The following INSR variants were observed in gnomAD, a reference collection of about 807,000 sequenced individuals.
INSR encodes the protein IR.
INSR carries 67 observed loss-of-function variants against 142.6 expected under a neutral mutation model. The ratio of observed to expected loss-of-function variants is 0.47; its 90% confidence interval spans 0.39 to 0.58. The LOEUF (loss-of-function observed/expected upper bound fraction) is 0.58, where lower values mean the gene tolerates loss of function less well. INSR is among the 20% of genes least tolerant of loss of function. The pLI is 0.00. For synonymous variants in INSR, 756 were observed against 743.1 expected (o/e 1.02, Z -0.28); for missense variants, 1,248 against 1,833.2 (o/e 0.68, Z 5.83).
chr19:7,182,160 G>C (rs4325676), intron 3 of INSR, among the ~76,000 whole-genome samples: 73,477 of 151,116 alleles, frequency 0.49, 19,748 homozygotes, highest in African/African-American at 0.73. Flanking sequence ...GATGAAACCC[G>C]GTCTCTACTA....
chr19:7,177,829 G>A (rs1974173605), intron 3 of INSR, among the ~76,000 whole-genome samples: 1 of 150,440 alleles, frequency 6.6e-6, no homozygotes, highest in African/African-American at 2.4e-5. Flanking sequence ...TTACAGGTGT[G>A]AGCAACCGTG....
intron 2 of INSR, among the ~76,000 whole-genome samples, chr19:7,195,823 A>G (rs970654366): frequency 5.3e-5 from 8 of 152,014 alleles, no homozygotes; most frequent in Non-Finnish European, 1.2e-4. Context: ...GACAACAGAT[A>G]AGATTATAGA....
intron 6 of INSR, among the ~76,000 whole-genome samples, chr19:7,169,946 A>G (rs1973976162): frequency 1.3e-5 from 2 of 152,184 alleles, no homozygotes; most frequent in South Asian, 4.1e-4. Context: ...CCTGGGGGTG[A>G]CTGTGATGGA....
chr19:7,229,924 C>A (rs1975916875), intron 2 of INSR, among the ~76,000 whole-genome samples: 1 of 151,992 alleles, frequency 6.6e-6, no homozygotes, highest in Non-Finnish European at 1.5e-5. Flanking sequence ...TGCCACCATG[C>A]TCAGCTAATT....
At chr19:7,260,586 G>A (rs946883196) in intron 2 of INSR, among the ~76,000 whole-genome samples, 7 of 152,148 alleles carry the variant, frequency 4.6e-5, no homozygotes, top group African/African-American at 1.7e-4. Flanking sequence ...CAAAACCAAA[G>A]TCAGAAATGA....
chr19:7,116,972 A>T lies in INSR; in HGVS notation c.*84T>A. 127 of 976,246 alleles carry T rather than the reference A, an allele frequency of 1.3e-4. No homozygotes were observed. The highest frequency in any genetic ancestry group is 1.9e-4 in the East Asian group (8 of 41,250). The allele number at this position is 976,246 out of a possible 1,614,324, so 60.5% of individuals were successfully genotyped here. ...CTCCATTGGACATGGTAGAGTCGTGAGAATCCTGAGTTTTCCAGAGGCTTT... is the reference window on the plus strand; with the variant it reads ...CTCCATTGGACATGGTAGAGTCGTGTGAATCCTGAGTTTTCCAGAGGCTTT... On this transcript the variant is annotated 3_prime_UTR_variant, in exon 22 of 22. Coordinates refer to ENST00000302850, the MANE Select transcript of INSR (RefSeq NM_000208.4).
chr19:7,281,345 C>T (rs1435509055), intron 1 of INSR, among the ~76,000 whole-genome samples: 1 of 152,030 alleles, frequency 6.6e-6, no homozygotes, highest in African/African-American at 2.4e-5. Flanking sequence ...CAAACACACA[C>T]ACACACACAC....
At chr19:7,283,589 G>A (rs1188417285) in intron 1 of INSR, among the ~76,000 whole-genome samples, 1 of 152,150 alleles carries the variant, frequency 6.6e-6, no homozygotes, top group African/African-American at 2.4e-5. Flanking sequence ...ACAGGCATGA[G>A]CCACCGTGCT....
intron 2 of INSR, among the ~76,000 whole-genome samples, chr19:7,253,095 C>A (rs1976780372): frequency 1.4e-5 from 2 of 139,654 alleles, no homozygotes; most frequent in Admixed American, 1.5e-4. Flanking sequence ...AGCCTGGTGA[C>A]AGAGTGAGAC....
chr19:7,174,662 G>A lies in INSR; in HGVS notation c.1044C>T (p.Ile348=), dbSNP rs866621682. ...VCHLLEGEKT[I]DSVTSAQELR... Reference sequence around the variant, plus strand: ...GCTCCTGGGCAGACGTCACCGAGTCGATGGTCTTCTCGCCTTCTAGGAGGT... The same window carrying A: ...GCTCCTGGGCAGACGTCACCGAGTCAATGGTCTTCTCGCCTTCTAGGAGGT... Residue 348 remains isoleucine, a synonymous_variant, in exon 4 of 22, where the codon ATC becomes ATT. Transcript: ENST00000302850. 13 of 1,613,778 alleles carry A rather than the reference G, an allele frequency of 8.1e-6. No homozygotes were observed. The highest frequency in any genetic ancestry group is 1.7e-5 in the Admixed American group (1 of 59,964).
intron 2 of INSR, among the ~76,000 whole-genome samples, chr19:7,198,528 C>T (rs1048354000): frequency 2.6e-5 from 4 of 152,152 alleles, no homozygotes; most frequent in African/African-American, 9.6e-5. Context: ...CGGGTCACCG[C>T]GTGGCAGCTC....
chr19:7,143,194 G>T, intron 11 of INSR, 104 bp from the exon 12 acceptor site: 2 of 1,265,684 alleles, frequency 1.6e-6, no homozygotes, highest in Non-Finnish European at 2.3e-6. Flanking sequence ...AGATCAGAGC[G>T]CAGGAGGGTG....
At chr19:7,245,314 T>C (rs1470632130) in intron 2 of INSR, among the ~76,000 whole-genome samples, 1 of 152,060 alleles carries the variant, frequency 6.6e-6, no homozygotes, top group Non-Finnish European at 1.5e-5. Flanking sequence ...CTAAAAGGTG[T>C]AATAGGGAAA....
intron 2 of INSR, among the ~76,000 whole-genome samples, chr19:7,201,809 C>T (rs943475417): frequency 1.1e-4 from 1 of 9,362 alleles, no homozygotes; most frequent in African/African-American, 5.4e-4. Flanking sequence ...ACTACAGGCG[C>T]GGCCACCACG....
chr19:7,133,645 T>C (rs897136156), intron 13 of INSR, among the ~76,000 whole-genome samples: 2 of 152,180 alleles, frequency 1.3e-5, no homozygotes, highest in Non-Finnish European at 2.9e-5. Context: ...GCGGATCACC[T>C]GAGGTCAGGA....
intron 2 of INSR, among the ~76,000 whole-genome samples, chr19:7,250,333 A>T (rs1976672735): frequency 6.7e-6 from 1 of 149,502 alleles, no homozygotes; most frequent in Non-Finnish European, 1.5e-5. Context: ...GAAGAGAGAG[A>T]AAAAGAAAGA....
In INSR at chr19:7,151,149, CCTTTCTTTCTTTCTCTTT is replaced by C. The variant is rs1481025120; in HGVS notation, c.2232-635_2232-618del. ...TTCTCTGTCCTTTCTTTCTCTCTTT[CCTTTCTTTCTTTCTCTTT>C]CTTTCTTTCTTTCTTTCTTTCTTTC... On this transcript the variant is annotated intron_variant, in intron 10 of 21. Coordinates refer to ENST00000302850, the MANE Select transcript of INSR (RefSeq NM_000208.4). Among the ~76,000 whole-genome samples the C allele has an allele frequency of 2.4e-3, 336 of 138,264 alleles. 10 individuals are homozygous for C. The highest frequency in any genetic ancestry group is 8.4e-3 in the African/African-American group (302 of 35,946). The allele number at this position is 138,264 out of a possible 152,430, so 90.7% of individuals were successfully genotyped here.
intron 6 of INSR, among the ~76,000 whole-genome samples, chr19:7,169,906 A>G (rs1973975255): frequency 6.6e-6 from 1 of 152,200 alleles, no homozygotes; most frequent in African/African-American, 2.4e-5. Context: ...AGCCTATCAC[A>G]CAGTGAGTTG....
chr19:7,264,381 C>T (rs912657342), intron 2 of INSR, among the ~76,000 whole-genome samples: 8 of 152,056 alleles, frequency 5.3e-5, no homozygotes, highest in Non-Finnish European at 1.2e-4. Flanking sequence ...GAACACCCAG[C>T]AGGGAGCAGG....
Sources: gnomAD v4.1 joint callset for allele counts (sites outside exome capture counted in the v4.1 genomes callset) on GRCh38, gnomAD v4.1.1 for gene constraint, MANE v1.5 for transcripts, NCBI Gene and HGNC (gene_info 2026-07-23, HGNC 2026-07-21) for gene names.